DNAI2: variants seen among roughly 807,000 people sequenced by gnomAD.
DNAI2 encodes dynein, axonemal, intermediate polypeptide 2.
In DNAI2, 63 loss-of-function variants were observed where a neutral mutation model predicts 74.7. The observed-to-expected ratio is 0.84, with a 90% confidence interval of 0.69 to 1.04. DNAI2 has a LOEUF of 1.04. Among genes scored for constraint, DNAI2 ranks in the 50% least tolerant of loss-of-function variants. The probability of loss-of-function intolerance (pLI) is 0.00; values close to 1 mark genes in which losing one functional copy is unlikely to be tolerated. For synonymous variants in DNAI2, 289 were observed against 314.9 expected, an observed-to-expected ratio of 0.92 and a Z score of 0.87; for missense variants, 688 against 803.2, an observed-to-expected ratio of 0.86 and a Z score of 1.73.
chr17:74,301,927 G>A (rs1228918215), intron 8 of DNAI2, among the ~76,000 whole-genome samples: 2 of 13,442 alleles, frequency 1.5e-4, no homozygotes, highest in Non-Finnish European at 3.9e-4. Flanking sequence ...AGGAAGGAAG[G>A]AAGGAAGGAA....
chr17:74,289,249 G>A (rs1050962762), intron 4 of DNAI2, among the ~76,000 whole-genome samples: 2 of 152,172 alleles, frequency 1.3e-5, no homozygotes, highest in Non-Finnish European at 2.9e-5. Flanking sequence ...CCGAGGGGCC[G>A]GGCACTGTGG....
chr17:74,301,396 C>T (rs2052753560), intron 8 of DNAI2, among the ~76,000 whole-genome samples: 1 of 152,206 alleles, frequency 6.6e-6, no homozygotes, highest in African/African-American at 2.4e-5. Context: ...ACCAAGTCAT[C>T]TTTTGGCCAG....
intron 5 of DNAI2, among the ~76,000 whole-genome samples, 154 bp from the exon 6 acceptor site, chr17:74,290,866 C>A (rs2143950312): frequency 6.6e-6 from 1 of 152,316 alleles, no homozygotes; most frequent in Non-Finnish European, 1.5e-5. Flanking sequence ...CCAAGGTGGA[C>A]CAGGGGGTGC....
At chr17:74,277,738 T>C (rs1239207625) in intron 1 of DNAI2, among the ~76,000 whole-genome samples, 1 of 152,204 alleles carries the variant, frequency 6.6e-6, no homozygotes, top group African/African-American at 2.4e-5. Context: ...CCTAGGGTGA[T>C]TGTGAAAAAC....
At chr17:74,304,146 GTTCTTTTTTCTTTTCTT>G in intron 8 of DNAI2, among the ~76,000 whole-genome samples, 1 of 138,196 alleles carries the variant, frequency 7.2e-6, no homozygotes, top group South Asian at 2.4e-4. Context: ...TAAACTAGGA[GTTCTTTTTTCTTTTCTT>G]TTCTTTTTTC....
Position 74,281,919 on chromosome 17 carries a change from C to G in DNAI2, c.102C>G (p.Asn34Lys). The G allele has an allele frequency of 6.2e-7, 1 of 1,614,184 alleles. No individual in the cohort carries two copies. The highest frequency in any genetic ancestry group is 8.5e-7 in the Non-Finnish European group (1 of 1,180,034). The part of the protein sequence containing the change: ...QAELNIDIMP[N>K]PELAEQFVER... ...AGCTGAACATCGACATCATGCCCAA[C>G]CCTGAGCTGGCCGAGCAGTTCGTGG... Residue 34 changes from asparagine to lysine, a missense_variant, in exon 2 of 14, where the codon AAC (asparagine) becomes AAG (lysine). Transcript: ENST00000311014.
Position 74,305,332 on chromosome 17 carries a change from C to G in DNAI2, c.1101C>G (p.Ile367Met). The G allele has an allele frequency of 1.2e-6, 2 of 1,614,234 alleles. No homozygotes were observed. The highest frequency in any genetic ancestry group is 1.7e-6 in the Non-Finnish European group (2 of 1,180,044). ...VCTFPGHHGP[I>M]YALQRNPFYP... ...CCTTCCCGGGCCATCATGGCCCCAT[C>G]TACGCCCTCCAGAGAAACCCCTTCT... The change falls in exon 9 of 14, where the codon ATC (isoleucine) becomes ATG (methionine). Residue 367 changes from isoleucine to methionine, a missense_variant. Physicochemically the swap from Ile to Met is conservative, Grantham distance 10. Transcript: ENST00000311014.
intron 6 of DNAI2, among the ~76,000 whole-genome samples, chr17:74,297,898 G>A (rs148959161): frequency 1.3e-5 from 2 of 152,310 alleles, no homozygotes; most frequent in Non-Finnish European, 2.9e-5. Context: ...TTCTTCGGGA[G>A]TGGGAGCCAG....
intron 9 of DNAI2, 24 bp downstream of exon 9, chr17:74,305,466 G>A: frequency 6.2e-7 from 1 of 1,609,702 alleles, no homozygotes; most frequent in Non-Finnish European, 8.5e-7. Context: ...CTGGGGACAG[G>A]AGGGGATGCA....
intron 4 of DNAI2, among the ~76,000 whole-genome samples, chr17:74,289,144 C>T (rs2051925190): frequency 1.3e-5 from 2 of 152,170 alleles, no homozygotes; most frequent in Admixed American, 6.5e-5. Context: ...GAGGGCATGG[C>T]GGGGCAGAGG....
rs2053121743 is a variant in DNAI2 at position 74,305,324 on chromosome 17, G to A, written c.1093G>A (p.Gly365Ser). ...KIVCTFPGHH[G>S]PIYALQRNPF... ...TGTGTGCACCTTCCCGGGCCATCAT[G>A]GCCCCATCTACGCCCTCCAGAGAAA... The change falls in exon 9 of 14, where the codon GGC (glycine) becomes AGC (serine). Residue 365 changes from glycine to serine, a missense_variant. Physicochemically the swap from Gly to Ser is moderately conservative, Grantham distance 56. Coordinates refer to ENST00000311014, the MANE Select transcript of DNAI2 (RefSeq NM_023036.6). The A allele has an allele frequency of 6.2e-7, 1 of 1,614,114 alleles. No homozygotes were observed. Among genetic ancestry groups the A allele is most frequent in the South Asian group, 1.1e-5 (1 of 91,086 alleles).
At chr17:74,279,929 C>G (rs889882222) in intron 1 of DNAI2, among the ~76,000 whole-genome samples, 1 of 152,228 alleles carries the variant, frequency 6.6e-6, no homozygotes, top group Non-Finnish European at 1.5e-5. Flanking sequence ...TCATCCACAT[C>G]TTTTGTCCTA....
chr17:74,287,968 A>AG, intron 4 of DNAI2, among the ~76,000 whole-genome samples: 1 of 151,732 alleles, frequency 6.6e-6, no homozygotes, highest in African/African-American at 2.4e-5. Context: ...AAAAAAAAAA[A>AG]AGCAGTGCAA....
intron 11 of DNAI2, among the ~76,000 whole-genome samples, chr17:74,310,588 G>T (rs1441113886): frequency 6.6e-6 from 1 of 151,728 alleles, no homozygotes; most frequent in Non-Finnish European, 1.5e-5. Flanking sequence ...GCCCAGGCTG[G>T]AGTGCAATGG....
At position 74,281,918 on chromosome 17, in the gene DNAI2, A is replaced by G. The variant is rs1440292628; in HGVS notation, c.101A>G (p.Asn34Ser). 2 of 1,614,104 alleles carry G rather than the reference A, an allele frequency of 1.2e-6. No individual in the cohort carries two copies. The highest frequency in any genetic ancestry group is 1.7e-5 in the Admixed American group (1 of 60,026). ...QAELNIDIMP[N>S]PELAEQFVER... ...GAGCTGAACATCGACATCATGCCCA[A>G]CCCTGAGCTGGCCGAGCAGTTCGTG... is the stretch of plus-strand genomic sequence containing the variant. Residue 34 changes from asparagine (N) to serine (S), a missense_variant, in exon 2 of 14, where the codon AAC (asparagine) becomes AGC (serine). Coordinates refer to ENST00000311014, the MANE Select transcript of DNAI2 (RefSeq NM_023036.6).
chr17:74,278,519 T>C (rs1421383726), intron 1 of DNAI2, among the ~76,000 whole-genome samples: 3 of 152,228 alleles, frequency 2.0e-5, no homozygotes, highest in Non-Finnish European at 2.9e-5. Context: ...TTGTTCATAG[T>C]GCTTGCAACC....
intron 2 of DNAI2, among the ~76,000 whole-genome samples, chr17:74,283,957 G>A (rs1567842860): frequency 6.6e-6 from 1 of 152,056 alleles, no homozygotes; most frequent in Non-Finnish European, 1.5e-5. Context: ...GGCCAACATG[G>A]TGAAACCCCG....
At chr17:74,312,877 G>A (rs1567881141) in intron 12 of DNAI2, among the ~76,000 whole-genome samples, 1 of 152,150 alleles carries the variant, frequency 6.6e-6, no homozygotes, top group Non-Finnish European at 1.5e-5. Context: ...TTGCCTGTCT[G>A]GGTCACCTCC....
intron 9 of DNAI2, among the ~76,000 whole-genome samples, chr17:74,306,164 C>T (rs577694930): frequency 2.6e-5 from 4 of 152,334 alleles, no homozygotes; most frequent in African/African-American, 9.6e-5. Context: ...TGCCTTGGCA[C>T]AATTCAGCAG....
Sources: gnomAD v4.1 joint callset for allele counts (sites outside exome capture counted in the v4.1 genomes callset) on GRCh38, gnomAD v4.1.1 for gene constraint, MANE v1.5 for transcripts, NCBI Gene and HGNC (gene_info 2026-07-23, HGNC 2026-07-21) for gene names.